The following CARHSP1 variants were observed in gnomAD, a reference collection of about 807,000 sequenced individuals.
The protein encoded by CARHSP1 is calcium regulated heat stable protein 1, also known as calcium-regulated heat-stable protein 1.
A neutral mutation model predicts 12.5 loss-of-function variants in CARHSP1; 14 were observed. The ratio of observed to expected loss-of-function variants is 1.12; its 90% CI spans 0.74 to 1.75. The LOEUF is 1.75. Ranked by LOEUF, CARHSP1 falls within the 40% of genes most tolerant of loss-of-function variation. The pLI, the probability that CARHSP1 is intolerant of heterozygous loss-of-function variation, is 0.00. For missense variants in CARHSP1, 343 were observed against 201.6 expected, an observed-to-expected ratio of 1.70 and a Z score of -4.25; for synonymous variants, 161 against 82.0, an observed-to-expected ratio of 1.96 and a Z score of -5.20.
At chr16:8,860,589 GCTGGGTGGGCATCA>G in intron 1 of CARHSP1, 1 of 881,916 alleles carries the variant, frequency 1.1e-6, no homozygotes, top group Non-Finnish European at 1.4e-6. Flanking sequence ...AAGTGGGGCA[GCTGGGTGGGCATCA>G]CTTGGCACCT....
chr16:8,861,400 C>A (rs2061350189), intron 1 of CARHSP1, among the ~76,000 whole-genome samples: 2 of 151,736 alleles, frequency 1.3e-5, no homozygotes, highest in African/African-American at 2.4e-5. Context: ...GCTCTCACAA[C>A]CTTCAACCTC....
In CARHSP1 at chr16:8,855,111, C is replaced by T; in HGVS notation, c.*53G>A. On this transcript the variant is annotated 3_prime_UTR_variant, in exon 4 of 4. Coordinates refer to ENST00000311052, the MANE Select transcript of CARHSP1 (RefSeq NM_014316.4). The stretch of plus-strand genomic sequence containing the variant: ...ATGTCATCTCCAGTGTCTGCTGCCT[C>T]CTCCCTGCAAAGTCTCCCACAAGCA... 4 of 1,438,130 alleles carry T rather than the reference C, an allele frequency of 2.8e-6. No individual in the cohort carries two copies. The highest frequency in any genetic ancestry group is 2.8e-6 in the Non-Finnish European group (3 of 1,076,388). The allele number at this position is 1,438,130 out of a possible 1,614,324, so 89.1% of individuals were successfully genotyped here. A position where few individuals can be genotyped will look rare whatever the true frequency, so the allele number is the denominator to read the frequency against.
At position 8,857,236 on chromosome 16, in the gene CARHSP1, TCTGG is replaced by T. The variant is rs545136750; in HGVS notation, c.281+1110_281+1113del. On this transcript the variant is annotated intron_variant, in intron 3 of 3. Coordinates refer to ENST00000311052, the MANE Select transcript of CARHSP1 (RefSeq NM_014316.4). ...ACCCCCAGATCCATTTCCATCACTT[TCTGG>T]CTATGTGATCTTGGGCAGATCTGTT... Among the ~76,000 whole-genome samples the T allele has an allele frequency of 1.9e-3, 277 of 145,058 alleles. 1 individual carries two copies. Among genetic ancestry groups the T allele is most frequent in the Non-Finnish European group, 3.0e-3 (200 of 65,768 alleles).
chr16:8,866,251 G>A (rs1200238368), intron 1 of CARHSP1, among the ~76,000 whole-genome samples: 1 of 152,214 alleles, frequency 6.6e-6, no homozygotes, highest in African/African-American at 2.4e-5. Flanking sequence ...TCCTGGCCAA[G>A]ATTCTACATT....
Position 8,859,310 on chromosome 16 carries a change from G to T in CARHSP1, c.19C>A (p.Pro7Thr). Residue 7 changes from proline (P) to threonine (T), a missense_variant, in exon 2 of 4, where the codon CCA becomes ACA. Physicochemically the swap from Pro to Thr is conservative, Grantham distance 38. Transcript: ENST00000311052. MSSEPP[P>T]PPQPPTHQAS... ...TGATGGGTGGGGGGCTGTGGTGGTGGGGGAGGCTCAGATGACATGGCTGAC... is the reference window on the plus strand; with the variant it reads ...TGATGGGTGGGGGGCTGTGGTGGTGTGGGAGGCTCAGATGACATGGCTGAC... The T allele has an allele frequency of 6.2e-7, 1 of 1,602,434 alleles. No individual in the cohort carries two copies. Among genetic ancestry groups the T allele is most frequent in the South Asian group, 1.1e-5 (1 of 90,086 alleles).
chr16:8,859,753 G>A (rs755007912), intron 1 of CARHSP1: 11 of 156,224 alleles, frequency 7.0e-5, no homozygotes, highest in East Asian at 1.9e-4. Context: ...CGAGGCAGGC[G>A]GATCACTTAA....
chr16:8,853,851 C>G lies in CARHSP1; in HGVS notation c.*1313G>C, dbSNP rs1013443985. 2 of 152,164 alleles carry G rather than the reference C, an allele frequency of 1.3e-5. No homozygotes were observed. Among genetic ancestry groups the G allele is most frequent in the African/African-American group, 4.8e-5 (2 of 41,430 alleles). 9.4% of individuals were successfully genotyped at this position (152,164 alleles called of 1,614,324 possible). On this transcript the variant is annotated 3_prime_UTR_variant, in exon 4 of 4. Coordinates refer to ENST00000311052, the MANE Select transcript of CARHSP1 (RefSeq NM_014316.4). ...TTGTAATCCCAGCACTTTGAGAGGC[C>G]GAGATGGGCAGATCATCTGAGGTCA...
Position 8,861,649 on chromosome 16 carries a change from A to G in CARHSP1, c.-7-2314T>C, listed in dbSNP as rs910902014. The G allele has an allele frequency of 6.2e-6, 8 of 1,288,864 alleles. No homozygotes were observed. The Admixed American group carries it at 1.4e-4, about 22-fold the overall frequency. 79.8% of individuals were successfully genotyped at this position (1,288,864 alleles called of 1,614,324 possible). On this transcript the variant is annotated intron_variant, in intron 1 of 3. Coordinates refer to ENST00000311052, the MANE Select transcript of CARHSP1 (RefSeq NM_014316.4). ...AGCTGGTGGCTGGCTTGCCTTCTGG[A>G]GGAGGTGGCATCCTACCTCCTGTCC...
intron 1 of CARHSP1, chr16:8,861,903 C>G (rs994444056): frequency 1.2e-6 from 1 of 821,504 alleles, no homozygotes; most frequent in Non-Finnish European, 1.6e-6. Flanking sequence ...GCAGTGGCCT[C>G]GCAACTCCAC....
intron 1 of CARHSP1, chr16:8,861,678 C>A: frequency 3.9e-6 from 5 of 1,289,102 alleles, no homozygotes; most frequent in Non-Finnish European, 5.1e-6. Flanking sequence ...CCTGTCCCTT[C>A]TCTCAGCTAC....
intron 3 of CARHSP1, among the ~76,000 whole-genome samples, chr16:8,855,758 T>G (rs2061081731): frequency 6.6e-6 from 1 of 152,218 alleles, no homozygotes; most frequent in South Asian, 2.1e-4. Context: ...TCCTCAGCAC[T>G]GCAGCCCCTG....
At position 8,855,328 on chromosome 16, in the gene CARHSP1, T is replaced by G. The variant is rs1283188874; in HGVS notation, c.282-2A>C. 3.8e-6 allele frequency: 6 copies of G among 1,564,410 alleles called. No individual in the cohort carries two copies. The highest frequency in any genetic ancestry group is 8.7e-7 in the Non-Finnish European group (1 of 1,150,586). Reference sequence around the variant, plus strand: ...ACTGGGACATACTCCCCTTCCACACTACGGGGGCATAAATAAAGCAGTCAG... The same window carrying G: ...ACTGGGACATACTCCCCTTCCACACGACGGGGGCATAAATAAAGCAGTCAG... On this transcript the variant is annotated splice_acceptor_variant, in intron 3 of 3. Coordinates refer to ENST00000311052, the MANE Select transcript of CARHSP1 (RefSeq NM_014316.4). LOFTEE classifies it high-confidence loss of function.
intron 3 of CARHSP1, among the ~76,000 whole-genome samples, chr16:8,856,201 C>A (rs1482416366): frequency 6.6e-6 from 1 of 152,158 alleles, no homozygotes; most frequent in African/African-American, 2.4e-5. Context: ...GGTTCCCTTA[C>A]TTTCTAGGGG....
rs547708770 is a variant in CARHSP1 at position 8,856,252 on chromosome 16, C to A, written c.282-926G>T. Among the ~76,000 whole-genome samples the A allele has an allele frequency of 3.3e-5, 5 of 152,292 alleles. No homozygotes were observed. In the South Asian group the frequency reaches 8.3e-4, roughly 25 times the overall value. ...TCACATGAGACTGGCATCTTGATGT[C>A]CCCTTGATGAAACCCCCCCAGAGGA... On this transcript the variant is annotated intron_variant, in intron 3 of 3. Coordinates refer to ENST00000311052, the MANE Select transcript of CARHSP1 (RefSeq NM_014316.4).
At chr16:8,861,923 C>T in intron 1 of CARHSP1, 2 of 572,784 alleles carry the variant, frequency 3.5e-6, no homozygotes, top group South Asian at 4.7e-5. Flanking sequence ...CAGTTAGAGA[C>T]ACTGCCCTGC....
chr16:8,860,553 C>A, intron 1 of CARHSP1: 1 of 983,508 alleles, frequency 1.0e-6, no homozygotes, highest in Non-Finnish European at 1.2e-6. Context: ...CCTTTCCCAT[C>A]TCTGGGCTCA....
chr16:8,859,637 G>T (rs1290858882), intron 1 of CARHSP1, among the ~76,000 whole-genome samples: 5 of 152,042 alleles, frequency 3.3e-5, no homozygotes, highest in Non-Finnish European at 1.5e-5. Flanking sequence ...CGGCACATTT[G>T]GGACACATAG....
At chr16:8,858,126 GC>G in intron 3 of CARHSP1, 2 of 572,564 alleles carry the variant, frequency 3.5e-6, no homozygotes, top group Non-Finnish European at 6.2e-6. Flanking sequence ...GTACCGTGTC[GC>G]CCCCAGCCTC....
rs1315960023 is a variant in CARHSP1 at position 8,857,263 on chromosome 16, G to GTTTTTTGTTTTTTGTTTTT, written c.281+1086_281+1087insAAAAACAAAAAACAAAAAA. 3.7e-4 allele frequency among the ~76,000 whole-genome samples: 21 copies of GTTTTTTGTTTTTTGTTTTT among 57,032 alleles called. 2 individuals are homozygous for GTTTTTTGTTTTTTGTTTTT. The East Asian group carries it at 6.3e-3, about 17-fold the overall frequency. 37.4% of individuals were successfully genotyped at this position (57,032 alleles called of 152,430 possible). A position where few individuals can be genotyped will look rare whatever the true frequency, so the allele number is the denominator to read the frequency against. On this transcript the variant is annotated intron_variant, in intron 3 of 3. Coordinates refer to ENST00000311052, the MANE Select transcript of CARHSP1 (RefSeq NM_014316.4). ...TGGCTATGTGATCTTGGGCAGATCT[G>GTTTTTTGTTTTTTGTTTTT]TTTTTTTTTTTTTTTTTTTTTTTTT...
Sources: gnomAD v4.1 joint callset for allele counts (sites outside exome capture counted in the v4.1 genomes callset) on GRCh38, gnomAD v4.1.1 for gene constraint, MANE v1.5 for transcripts, NCBI Gene and HGNC (gene_info 2026-07-23, HGNC 2026-07-21) for gene names.